The following GATA5 variants were observed in gnomAD, a reference collection of about 807,000 sequenced individuals.
The protein encoded by GATA5 is GATA binding protein 5.
Under a neutral mutation model 35.0 loss-of-function variants are expected in GATA5, and 27 were observed. The observed-to-expected ratio is 0.77, with a 90% CI of 0.57 to 1.06. The LOEUF (loss-of-function observed/expected upper bound fraction) is 1.06. GATA5 is among the 50% of genes least tolerant of loss of function. GATA5 has a pLI of 0.00. For missense variants in GATA5, 612 were observed against 580.0 expected (o/e 1.06, Z -0.57); for synonymous variants, 306 against 267.8 (o/e 1.14, Z -1.39).
At chr20:62,466,866 C>T (rs1340931443) in intron 3 of GATA5, among the ~76,000 whole-genome samples, 2 of 152,240 alleles carry the variant, frequency 1.3e-5, no homozygotes, top group African/African-American at 4.8e-5. Flanking sequence ...CCTATTGTCT[C>T]TTTATCACCA....
chr20:62,471,565 G>A (rs932671274), intron 3 of GATA5, among the ~76,000 whole-genome samples: 22 of 150,188 alleles, frequency 1.5e-4, no homozygotes, highest in African/African-American at 5.2e-4. Flanking sequence ...CAAGTAGCTG[G>A]GACCATGGGT....
In GATA5 at chr20:62,475,078, G is replaced by A. The variant is rs1989819780; in HGVS notation, c.444C>T (p.Pro148=). The A allele has an allele frequency of 1.4e-6, 2 of 1,409,362 alleles. No individual in the cohort carries two copies. The highest frequency in any genetic ancestry group is 3.0e-5 in the East Asian group (1 of 33,000). 87.3% of individuals were successfully genotyped at this position (1,409,362 alleles called of 1,614,324 possible). ...YSATYPAYVS[P]DVAQSWTAGP... Reference sequence around the variant, plus strand: ...CGGCAGTCCAGGACTGGGCCACGTCGGGGCTCACGTAGGCCGGGTAGGTGG... The same window carrying A: ...CGGCAGTCCAGGACTGGGCCACGTCAGGGCTCACGTAGGCCGGGTAGGTGG... Residue 148 remains proline, a synonymous_variant, in exon 2 of 7, where the codon CCC becomes CCT. Coordinates refer to ENST00000252997, the MANE Select transcript of GATA5 (RefSeq NM_080473.5).
At position 62,475,340 on chromosome 20, in the gene GATA5, C is replaced by T; in HGVS notation, c.182G>A (p.Arg61His). 8.0e-7 allele frequency: 1 copy of T among 1,254,512 alleles called. No individual in the cohort carries two copies. 77.7% of individuals were successfully genotyped at this position (1,254,512 alleles called of 1,614,324 possible). A position where few individuals can be genotyped will look rare whatever the true frequency, so the allele number is the denominator to read the frequency against. ...PSPQPPELAA[R>H]PGWAQTATAD... is the part of the protein sequence containing the mutation. ...GGTGGCTGTCTGCGCCCAGCCGGGGCGCGCAGCGAGCTCGGGGGGCTGCGG... is the reference window on the plus strand; with the variant it reads ...GGTGGCTGTCTGCGCCCAGCCGGGGTGCGCAGCGAGCTCGGGGGGCTGCGG... Residue 61 changes from arginine (R) to histidine (H), a missense_variant, in exon 2 of 7, where the codon CGC (arginine) becomes CAC (histidine). Arg to His is a conservative substitution (Grantham distance 29, BLOSUM62 0). Coordinates refer to ENST00000252997, the MANE Select transcript of GATA5 (RefSeq NM_080473.5).
At chr20:62,472,776 C>G (rs189119398) in intron 3 of GATA5, among the ~76,000 whole-genome samples, 1 of 152,350 alleles carries the variant, frequency 6.6e-6, no homozygotes, top group East Asian at 1.9e-4. Flanking sequence ...CCCCCACTCC[C>G]TGCTCAGCCA....
chr20:62,465,684 C>G (rs973584070), intron 5 of GATA5, 150 bp downstream of exon 5: 11 of 851,290 alleles, frequency 1.3e-5, no homozygotes, highest in African/African-American at 3.4e-5. Flanking sequence ...CACACCCCCC[C>G]CAGCAAGGTC....
chr20:62,472,130 G>A (rs1478650375), intron 3 of GATA5, among the ~76,000 whole-genome samples: 6 of 152,148 alleles, frequency 3.9e-5, no homozygotes, highest in Non-Finnish European at 4.4e-5. Context: ...TGGGAGCACA[G>A]GCAGAGTCAC....
At chr20:62,469,306 G>C (rs1569046028) in intron 3 of GATA5, among the ~76,000 whole-genome samples, 1 of 152,214 alleles carries the variant, frequency 6.6e-6, no homozygotes, top group African/African-American at 2.4e-5. Context: ...AAATCACATG[G>C]AACCGTGTGT....
chr20:62,475,610 T>C (rs1407953752), intron 1 of GATA5, 68 bp from the exon 2 acceptor site: 7 of 1,074,642 alleles, frequency 6.5e-6, no homozygotes, highest in African/African-American at 3.3e-5. Context: ...CCCGAGCTTA[T>C]GCCGGGCAGG....
At chr20:62,465,594 G>T in intron 5 of GATA5, 130 bp from the exon 6 acceptor site, 1 of 1,271,580 alleles carries the variant, frequency 7.9e-7, no homozygotes, top group Non-Finnish European at 1.1e-6. Flanking sequence ...CACCGCAGGC[G>T]TGGGTGGTGT....
Position 62,470,826 on chromosome 20 carries a change from G to T in GATA5, c.699+2577C>A, listed in dbSNP as rs782062882. On this transcript the variant is annotated intron_variant, in intron 3 of 6. Coordinates refer to ENST00000252997, the MANE Select transcript of GATA5 (RefSeq NM_080473.5). This position sits in a 1 kb window ranked among gnomAD's most constrained non-coding sequence, Gnocchi z 4.6. ...CCAGACCATGGGGAGAGGGCACGGT[G>T]GTCCCTACCCTCCGAGGCCTCTGGT... 1.3e-5 allele frequency among the ~76,000 whole-genome samples: 2 copies of T among 152,070 alleles called. No homozygotes were observed. The highest frequency in any genetic ancestry group is 2.9e-5 in the Non-Finnish European group (2 of 67,994).
rs145474602 is a variant in GATA5 at position 62,464,476 on chromosome 20, C to G, written c.*360G>C. On this transcript the variant is annotated 3_prime_UTR_variant, in exon 7 of 7. Transcript: ENST00000252997. ...GACTGTTTTCCCCCAACTGCTACAA[C>G]TTGTAAACATATTGACGGTGAGCAT... 5.8e-6 allele frequency: 1 copy of G among 172,868 alleles called. No homozygotes were observed. Among genetic ancestry groups the G allele is most frequent in the African/African-American group, 2.4e-5 (1 of 42,294 alleles). The allele number at this position is 172,868 out of a possible 1,614,324, so 10.7% of individuals were successfully genotyped here.
chr20:62,465,823 T>G lies in GATA5; in HGVS notation c.913+11A>C. 1 of 1,568,796 alleles carries G rather than the reference T, an allele frequency of 6.4e-7. No individual in the cohort carries two copies. Among genetic ancestry groups the G allele is most frequent in the Non-Finnish European group, 8.7e-7 (1 of 1,153,954 alleles). Reference sequence around the variant, plus strand: ...CAGGAGCGGGGCTGACTGCAGGGCCTGGCCACGCACCTGAGGAGCCCCTGG... The same window carrying G: ...CAGGAGCGGGGCTGACTGCAGGGCCGGGCCACGCACCTGAGGAGCCCCTGG... On this transcript the variant is annotated intron_variant, in intron 5 of 6. Coordinates refer to ENST00000252997, the MANE Select transcript of GATA5 (RefSeq NM_080473.5).
At chr20:62,465,203 T>C (rs1989550427) in intron 6 of GATA5, 137 bp downstream of exon 6, 4 of 1,034,730 alleles carry the variant, frequency 3.9e-6, no homozygotes, top group Non-Finnish European at 5.5e-6. Flanking sequence ...AGGGCCACCA[T>C]ACTGATGGCC....
rs782008677 is a variant in GATA5, at chr20:62,470,696, G to A, written c.699+2707C>T. 3.4e-4 allele frequency among the ~76,000 whole-genome samples: 52 copies of A among 152,166 alleles called. No individual in the cohort carries two copies. The highest frequency in any genetic ancestry group is 5.6e-4 in the African/African-American group (23 of 41,432). On this transcript the variant is annotated intron_variant, in intron 3 of 6. Coordinates refer to ENST00000252997, the MANE Select transcript of GATA5 (RefSeq NM_080473.5). The surrounding 1 kb of genome is among the most constrained non-coding windows in gnomAD (Gnocchi z 4.6). ...CTCAGGGCTAGGAGGTCTGCTGTCC[G>A]CACTGCCCTTGGCTGCCGGGCCCCA... is the stretch of plus-strand genomic sequence containing the variant.
chr20:62,472,726 G>A (rs1050522617), intron 3 of GATA5, among the ~76,000 whole-genome samples: 3 of 152,364 alleles, frequency 2.0e-5, no homozygotes, highest in African/African-American at 7.2e-5. Context: ...AGCCTCTGGG[G>A]ACTGTGCCCT....
intron 2 of GATA5, among the ~76,000 whole-genome samples, chr20:62,473,899 G>T (rs1989785501): frequency 6.6e-6 from 1 of 152,300 alleles, no homozygotes; most frequent in East Asian, 1.9e-4. Flanking sequence ...GCCTCTGCCT[G>T]TTTGACCTGC....
Position 62,465,923 on chromosome 20 carries a change from TG to T in GATA5, c.826-3del. ...CTTCATAGCCAGAGGCCGCGGCACC[TG>T]GCAGGGGTGGCGAGGGTGGAGGCTG... On this transcript the variant is annotated splice_region_variant and splice_polypyrimidine_tract_variant and intron_variant, in intron 4 of 6. Transcript: ENST00000252997. 1 of 1,580,666 alleles carries T rather than the reference TG, an allele frequency of 6.3e-7. No individual in the cohort carries two copies. Among genetic ancestry groups the T allele is most frequent in the Non-Finnish European group, 8.6e-7 (1 of 1,163,558 alleles).
intron 2 of GATA5, among the ~76,000 whole-genome samples, chr20:62,474,216 G>A (rs1271131109): frequency 1.3e-5 from 2 of 152,244 alleles, no homozygotes; most frequent in African/African-American, 4.8e-5. Context: ...GGCTGGGGGT[G>A]GAGGTCTTCC....
Position 62,475,429 on chromosome 20 carries a change from C to T in GATA5, c.93G>A (p.Pro31=). 1 of 1,360,156 alleles carries T rather than the reference C, an allele frequency of 7.4e-7. No homozygotes were observed. The highest frequency in any genetic ancestry group is 9.5e-7 in the Non-Finnish European group (1 of 1,057,202). 84.3% of individuals were successfully genotyped at this position (1,360,156 alleles called of 1,614,324 possible). Residue 31 remains proline, a synonymous_variant, in exon 2 of 7, where the codon CCG becomes CCA. Transcript: ENST00000252997. ...SFLHAPGAGS[P]MFVPPARVPS... is the part of the protein sequence containing the mutation. ...GGACGCGCGCCGGCGGCACAAACAT[C>T]GGAGAGCCGGCGCCCGGAGCGTGCA...
Sources: gnomAD v4.1 joint callset for allele counts (sites outside exome capture counted in the v4.1 genomes callset) on GRCh38, gnomAD v4.1.1 for gene constraint, Gnocchi (gnomAD v3.1) non-coding constraint, MANE v1.5 for transcripts, NCBI Gene and HGNC (gene_info 2026-07-23, HGNC 2026-07-21) for gene names.